Variants in CACNA1D observed in about 807,000 individuals in gnomAD.
CACNA1D encodes voltage-dependent L-type calcium channel subunit alpha-1D.
In CACNA1D, 55 loss-of-function variants were observed where a neutral mutation model predicts 257.1. That is an observed-to-expected ratio of 0.21 (90% CI 0.17 to 0.27). CACNA1D has a LOEUF of 0.27. CACNA1D is among the 10% of genes least tolerant of loss of function. The probability of loss-of-function intolerance (pLI) is 1.00; values close to 1 mark genes in which losing one functional copy is unlikely to be tolerated. For missense variants in CACNA1D, 1,876 were observed against 2,784.0 expected (o/e 0.67, Z 7.34); for synonymous variants, 980 against 1,014.9 (o/e 0.97, Z 0.65).
intron 3 of CACNA1D, among the ~76,000 whole-genome samples, chr3:53,560,081 T>TA (rs2092711674): frequency 9.0e-6 from 1 of 110,612 alleles, no homozygotes; most frequent in Admixed American, 8.5e-5. Context: ...TTTTTTTTTT[T>TA]CCTTTGTTGG....
chr3:53,734,698 C>T (rs1222151597), intron 19 of CACNA1D, among the ~76,000 whole-genome samples: 4 of 152,120 alleles, frequency 2.6e-5, no homozygotes, highest in Non-Finnish European at 5.9e-5. Context: ...AACTCTCATG[C>T]CGGGCCATGA....
At chr3:53,805,258 T>C (rs916976820) in intron 45 of CACNA1D, 112 bp downstream of exon 45, 1 of 1,039,104 alleles carries the variant, frequency 9.6e-7, no homozygotes, top group Non-Finnish European at 1.5e-6. Context: ...TCAGGATCCT[T>C]AGTCCTCAAG....
At chr3:53,767,147 G>A (rs1343336121) in intron 30 of CACNA1D, among the ~76,000 whole-genome samples, 2 of 152,132 alleles carry the variant, frequency 1.3e-5, no homozygotes, top group Admixed American at 6.5e-5. Flanking sequence ...ATGGCCGCTC[G>A]AGATCTAAAG....
At chr3:53,730,602 G>T in intron 16 of CACNA1D, 46 bp downstream of exon 16, 1 of 1,385,328 alleles carries the variant, frequency 7.2e-7, no homozygotes, top group Non-Finnish European at 1.0e-6. Flanking sequence ...GCTGTGTTGG[G>T]AGCCCTGCAA....
rs549877077 is a variant in CACNA1D, at chr3:53,532,829, G to A, written c.483+31109G>A. 3.3e-5 allele frequency among the ~76,000 whole-genome samples: 5 copies of A among 152,262 alleles called. No homozygotes were observed. In the East Asian group the frequency reaches 5.8e-4, roughly 18 times the overall value. On this transcript the variant is annotated intron_variant, in intron 3 of 47. Coordinates refer to ENST00000350061, the MANE Select transcript of CACNA1D (RefSeq NM_001128840.3). Reference sequence around the variant, plus strand: ...ACAGCAACCTCAGACTCCAGCCCCCGCTCTCCTTTTATCCAGCGGTGTGAC... The same window carrying A: ...ACAGCAACCTCAGACTCCAGCCCCCACTCTCCTTTTATCCAGCGGTGTGAC...
At chr3:53,606,113 A>C (rs577175149) in intron 3 of CACNA1D, among the ~76,000 whole-genome samples, 1 of 152,364 alleles carries the variant, frequency 6.6e-6, no homozygotes, top group South Asian at 2.1e-4. Context: ...GACTGGACCC[A>C]ATAATAGGAA....
intron 20 of CACNA1D, among the ~76,000 whole-genome samples, chr3:53,736,016 T>A (rs773425242): frequency 3.3e-5 from 5 of 152,054 alleles, no homozygotes; most frequent in Non-Finnish European, 5.9e-5. Flanking sequence ...GTTAGGGAGA[T>A]GATAGGATGT....
Position 53,785,273 on chromosome 3 carries a change from TACTC to T in CACNA1D, c.4793-1547_4793-1544del, listed in dbSNP as rs373889058. ...AGATTAGGAACCATGTTTTACATGCTACTCAGAGTCTTTGGCTTATACCTGGGTG... is the reference window on the plus strand; with the variant it reads ...AGATTAGGAACCATGTTTTACATGCTAGAGTCTTTGGCTTATACCTGGGTG... On this transcript the variant is annotated intron_variant, in intron 39 of 47. Coordinates refer to ENST00000350061, the MANE Select transcript of CACNA1D (RefSeq NM_001128840.3). 5.5e-3 allele frequency among the ~76,000 whole-genome samples: 835 copies of T among 152,250 alleles called. 7 individuals carry two copies. The highest frequency in any genetic ancestry group is 0.019 in the African/African-American group (798 of 41,550).
rs141854847 is a variant in CACNA1D, at chr3:53,515,911, C to T, written c.483+14191C>T. Among the ~76,000 whole-genome samples, 283 of 152,296 alleles carry T rather than the reference C, an allele frequency of 1.9e-3. 1 individual carries two copies. In the East Asian group the frequency reaches 0.035, roughly 19 times the overall value. ...ACTTTCTCAGGCATTTAGGCTCTGC[C>T]CTGCTCTGGCTCTCTCTCTCTTCAG... On this transcript the variant is annotated intron_variant, in intron 3 of 47. Transcript: ENST00000350061.
At chr3:53,803,678 A>G in intron 44 of CACNA1D, 106 bp downstream of exon 44, 1 of 1,114,138 alleles carries the variant, frequency 9.0e-7, no homozygotes, top group Non-Finnish European at 1.4e-6. Flanking sequence ...CTTCCCCTAA[A>G]AAGCAAAATG....
intron 15 of CACNA1D, among the ~76,000 whole-genome samples, chr3:53,728,954 A>T (rs1473217603): frequency 2.6e-5 from 4 of 152,184 alleles, no homozygotes; most frequent in Admixed American, 6.5e-5. Context: ...AGCTTGTAAG[A>T]TCTTCCTGTG....
chr3:53,775,838 A>G, intron 34 of CACNA1D, 48 bp from the exon 35 acceptor site: 1 of 1,593,736 alleles, frequency 6.3e-7, no homozygotes, highest in Non-Finnish European at 8.6e-7. Flanking sequence ...TAAGCTTCAA[A>G]TTCCTTCTTT....
chr3:53,671,381 C>T (rs985814185), intron 7 of CACNA1D, among the ~76,000 whole-genome samples: 1 of 152,220 alleles, frequency 6.6e-6, no homozygotes, highest in Non-Finnish European at 1.5e-5. Context: ...TGTTCCAACA[C>T]AGAGGGAAAC....
chr3:53,648,483 T>C (rs2094046797), intron 3 of CACNA1D, among the ~76,000 whole-genome samples: 1 of 152,188 alleles, frequency 6.6e-6, no homozygotes, highest in South Asian at 2.1e-4. Flanking sequence ...GTGGCAATGC[T>C]GGTCCCTGCT....
At chr3:53,596,805 T>C (rs2093376715) in intron 3 of CACNA1D, among the ~76,000 whole-genome samples, 1 of 152,248 alleles carries the variant, frequency 6.6e-6, no homozygotes, top group Non-Finnish European at 1.5e-5. Flanking sequence ...AACTGTAAGA[T>C]ACTAAGTTTG....
intron 3 of CACNA1D, among the ~76,000 whole-genome samples, chr3:53,600,720 A>G (rs1053066069): frequency 2.6e-5 from 4 of 152,250 alleles, no homozygotes; most frequent in South Asian, 4.1e-4. Flanking sequence ...ACAAAGAGAA[A>G]AAGATATGGC....
chr3:53,773,897 C>T (rs1002934263), intron 33 of CACNA1D: 3 of 152,444 alleles, frequency 2.0e-5, no homozygotes, highest in Non-Finnish European at 4.4e-5. Context: ...ACCCAGCAGG[C>T]GTTTGTAAGC....
chr3:53,556,240 G>A lies in CACNA1D; in HGVS notation c.483+54520G>A, dbSNP rs566855966. On this transcript the variant is annotated intron_variant, in intron 3 of 47. Transcript: ENST00000350061. ...GTGATTATAAAAAGGTGCTAGAAACGTACAGGTTTTTGTATGAATATAGAT... is the reference window on the plus strand; with the variant it reads ...GTGATTATAAAAAGGTGCTAGAAACATACAGGTTTTTGTATGAATATAGAT... Among the ~76,000 whole-genome samples the A allele has an allele frequency of 1.1e-4, 17 of 152,282 alleles. No homozygotes were observed. The South Asian group carries it at 1.7e-3, about 15-fold the overall frequency.
chr3:53,700,959 C>T (rs922789282), intron 8 of CACNA1D, among the ~76,000 whole-genome samples: 10 of 148,686 alleles, frequency 6.7e-5, no homozygotes, highest in African/African-American at 1.7e-4. Flanking sequence ...CTCAGCCCGC[C>T]GCAACCTCTG....
Sources: allele counts gnomAD v4.1 joint callset (sites outside exome capture counted in the v4.1 genomes callset), GRCh38; gene constraint gnomAD v4.1.1; transcripts MANE v1.5; gene names NCBI Gene and HGNC (gene_info 2026-07-23, HGNC 2026-07-21).